AFP: variants seen among roughly 807,000 people sequenced by gnomAD.
The protein encoded by AFP is alpha fetoprotein.
In AFP, 64 loss-of-function variants were observed where a neutral mutation model predicts 78.9. The ratio of observed to expected loss-of-function variants is 0.81; its 90% CI spans 0.66 to 1.00. AFP has a LOEUF of 1.00. Ranked by LOEUF, AFP falls within the 50% of genes least tolerant of loss-of-function variation. The pLI is 0.00. For synonymous variants in AFP, 254 were observed against 243.8 expected (o/e 1.04, Z -0.39); for missense variants, 689 against 703.8 (o/e 0.98, Z 0.24).
chr4:73,447,684 ACT>A lies in AFP; in HGVS notation c.1058+11_1058+12del, dbSNP rs1560395787. On this transcript the variant is annotated intron_variant, in intron 8 of 14. Transcript: ENST00000395792. The stretch of plus-strand genomic sequence containing the variant: ...AAATATCTTCTTGGCAAGGTAACAC[ACT>A]CTGTAAATGCATGTTCATGCAAGTA... The A allele has an allele frequency of 6.3e-7, 1 of 1,597,782 alleles. No homozygotes were observed. Among genetic ancestry groups the A allele is most frequent in the Non-Finnish European group, 8.6e-7 (1 of 1,167,438 alleles).
Position 73,453,787 on chromosome 4 carries a change from C to T in AFP, c.1675C>T (p.Gln559Ter). 4 of 1,613,612 alleles carry T rather than the reference C, an allele frequency of 2.5e-6. No homozygotes were observed. The highest frequency in any genetic ancestry group is 3.4e-6 in the Non-Finnish European group (4 of 1,179,660). ...CAGGTTTCTCATTAACCTTGTGAAG[C>T]AAAAGCCACAAATAACAGAGGAACA... Reference protein sequence around the residue: ...KQEFLINLVKQKPQITEEQLE... With the variant: ...KQEFLINLVK The change falls in exon 13 of 15, where the codon CAA becomes TAA. Residue 559 changes from glutamine to a stop codon, truncating the protein, a stop_gained. Coordinates refer to ENST00000395792, the MANE Select transcript of AFP (RefSeq NM_001134.3). LOFTEE classifies it high-confidence loss of function.
chr4:73,452,639 C>G lies in AFP; in HGVS notation c.1652+15C>G. On this transcript the variant is annotated intron_variant, in intron 12 of 14. Coordinates refer to ENST00000395792, the MANE Select transcript of AFP (RefSeq NM_001134.3). ...ATGAAGCAAGAGTAAGAAACTGTTA[C>G]TTGCTAGCATGGAAAAGAATGACAA... The G allele has an allele frequency of 1.9e-6, 3 of 1,589,082 alleles. No homozygotes were observed. Among genetic ancestry groups the G allele is most frequent in the Non-Finnish European group, 2.6e-6 (3 of 1,158,620 alleles).
At chr4:73,451,615 C>A (rs1035932084) in intron 11 of AFP, among the ~76,000 whole-genome samples, 1 of 152,118 alleles carries the variant, frequency 6.6e-6, no homozygotes. Context: ...CCGGAGGCCA[C>A]CAGCCAACAA....
At chr4:73,455,453 G>A in intron 14 of AFP, 163 bp downstream of exon 14, 3 of 665,316 alleles carry the variant, frequency 4.5e-6, no homozygotes, top group Non-Finnish European at 7.9e-6. Context: ...CGCACACAAT[G>A]TTAAATTAGT....
At chr4:73,446,352 C>G (rs1266109759) in intron 7 of AFP, among the ~76,000 whole-genome samples, 1 of 152,136 alleles carries the variant, frequency 6.6e-6, no homozygotes, top group Non-Finnish European at 1.5e-5. Context: ...ATTTTTGGAG[C>G]TCATAACCAC....
intron 6 of AFP, among the ~76,000 whole-genome samples, 185 bp from the exon 7 acceptor site, chr4:73,444,808 A>G (rs746741250): frequency 4.6e-4 from 70 of 152,246 alleles, no homozygotes; most frequent in Non-Finnish European, 8.5e-4. Context: ...CACAGTTTAC[A>G]GAGCTACCAC....
intron 5 of AFP, 54 bp from the exon 6 acceptor site, chr4:73,443,293 G>T: frequency 1.5e-6 from 2 of 1,338,046 alleles, no homozygotes; most frequent in Non-Finnish European, 2.2e-6. Flanking sequence ...ATTAGAGCTT[G>T]TAAAGAAAAT....
chr4:73,440,630 A>G lies in AFP; in HGVS notation c.299A>G (p.His100Arg), dbSNP rs1295120418. ...CCTGCCTTTCTGGAAGAACTTTGCC[A>G]TGAGAAAGAAATTTTGGAGAAGTAC... ...QLPAFLEELC[H>R]EKEILEKYGH... The change falls in exon 4 of 15, where the codon CAT becomes CGT. Residue 100 changes from histidine (H) to arginine (R), a missense_variant. By Grantham distance (29) the His-to-Arg change is conservative. Transcript: ENST00000395792. The G allele has an allele frequency of 1.2e-6, 2 of 1,614,078 alleles. No individual in the cohort carries two copies. The highest frequency in any genetic ancestry group is 3.3e-5 in the Admixed American group (2 of 60,010).
rs79583323 is a variant in AFP, at chr4:73,445,364, A to T, written c.843+242A>T. 2.6e-3 allele frequency among the ~76,000 whole-genome samples: 389 copies of T among 152,278 alleles called. 8 individuals are homozygous for T. The East Asian group carries it at 0.054, about 21-fold the overall frequency. On this transcript the variant is annotated intron_variant, in intron 7 of 14. Coordinates refer to ENST00000395792, the MANE Select transcript of AFP (RefSeq NM_001134.3). ...GCTCATCTATTTCTTACTTCTAAAA[A>T]AACCGTGGGAACTTCTCAGAAGGCT...
rs7655393 is a variant in AFP, at chr4:73,438,158, C to G, written c.138-16C>G. 1.9e-6 allele frequency: 3 copies of G among 1,612,854 alleles called. No homozygotes were observed. Among genetic ancestry groups the G allele is most frequent in the Admixed American group, 3.3e-5 (2 of 59,974 alleles). On this transcript the variant is annotated splice_polypyrimidine_tract_variant and intron_variant, in intron 2 of 14. Coordinates refer to ENST00000395792, the MANE Select transcript of AFP (RefSeq NM_001134.3). The stretch of plus-strand genomic sequence containing the variant: ...CAGGTCTGTTCCTTAAGGATTCACA[C>G]GTATTTTTGTTTCAGGGCTACCATA...
Position 73,438,422 on chromosome 4 carries a change from T to C in AFP, c.270+116T>C. 2.5e-6 allele frequency: 3 copies of C among 1,194,234 alleles called. No individual in the cohort carries two copies. In the South Asian group the frequency reaches 4.2e-5, roughly 17 times the overall value. The allele number at this position is 1,194,234 out of a possible 1,614,324, so 74.0% of individuals were successfully genotyped here. ...TTTATATATTTGAAGAGCTATTGTA[T>C]GAAAGAGGGATTAGATTCATTCTGA... On this transcript the variant is annotated intron_variant, in intron 3 of 14. Transcript: ENST00000395792.
At chr4:73,446,630 AGAAAGTTTG>A (rs1719836448) in intron 7 of AFP, among the ~76,000 whole-genome samples, 1 of 140,634 alleles carries the variant, frequency 7.1e-6, no homozygotes, top group Non-Finnish European at 1.5e-5. Flanking sequence ...CTCGTGGAGC[AGAAAGTTTG>A]CTCTCCATGT....
At chr4:73,441,586 A>AAAT (rs1719668048) in intron 4 of AFP, among the ~76,000 whole-genome samples, 2 of 150,790 alleles carry the variant, frequency 1.3e-5, no homozygotes, top group East Asian at 1.9e-4. Context: ...AAAAAAAAAA[A>AAAT]GGATGTTGTG....
intron 4 of AFP, among the ~76,000 whole-genome samples, chr4:73,441,517 G>A (rs1346226712): frequency 7.3e-6 from 1 of 137,696 alleles, no homozygotes; most frequent in Non-Finnish European, 1.5e-5. Flanking sequence ...GCAGTGAGCC[G>A]AGATTGCGCC....
At chr4:73,443,895 A>G (rs1304639912) in intron 6 of AFP, among the ~76,000 whole-genome samples, 1 of 152,154 alleles carries the variant, frequency 6.6e-6, no homozygotes, top group African/African-American at 2.4e-5. Flanking sequence ...ATTGCTTCCC[A>G]TAAAAATATT....
At chr4:73,440,557 A>G (rs1290044738) in intron 3 of AFP, 45 bp from the exon 4 acceptor site, 1 of 1,497,660 alleles carries the variant, frequency 6.7e-7, no homozygotes, top group Non-Finnish European at 9.3e-7. Flanking sequence ...AGATTTTTAA[A>G]GCAAAGTTAG....
chr4:73,450,428 T>C (rs1304480379), intron 10 of AFP, 187 bp from the exon 11 acceptor site: 3 of 751,996 alleles, frequency 4.0e-6, no homozygotes, highest in Non-Finnish European at 6.4e-6. Flanking sequence ...GCTTCTATAA[T>C]AGGAGTACAG....
chr4:73,454,632 A>G (rs777581133), intron 13 of AFP, among the ~76,000 whole-genome samples: 1 of 152,186 alleles, frequency 6.6e-6, no homozygotes, highest in African/African-American at 2.4e-5. Context: ...AAGATATTCT[A>G]TAACTTAGCG....
At chr4:73,455,192 A>G in intron 13 of AFP, 44 bp from the exon 14 acceptor site, 2 of 1,424,024 alleles carry the variant, frequency 1.4e-6, no homozygotes, top group Non-Finnish European at 2.0e-6. Flanking sequence ...GATTGGTATA[A>G]TAATCCATTT....
Sources: gnomAD v4.1 joint callset for allele counts (sites outside exome capture counted in the v4.1 genomes callset) on GRCh38, gnomAD v4.1.1 for gene constraint, MANE v1.5 for transcripts, NCBI Gene and HGNC (gene_info 2026-07-23, HGNC 2026-07-21) for gene names.